CFAP43: variants seen among roughly 807,000 people sequenced by gnomAD.
CFAP43 encodes the protein cilia and flagella associated protein 43.
Under a neutral mutation model 218.9 loss-of-function variants are expected in CFAP43, and 155 were observed. The observed-to-expected ratio is 0.71, with a 90% CI of 0.62 to 0.81. The LOEUF (loss-of-function observed/expected upper bound fraction) is 0.81, where lower values mean the gene tolerates loss of function less well. CFAP43 is among the 30% of genes least tolerant of loss of function. The pLI is 0.00. For missense variants in CFAP43, 1,778 were observed against 1,954.3 expected (o/e 0.91, Z 1.70); for synonymous variants, 645 against 681.3 (o/e 0.95, Z 0.83).
intron 34 of CFAP43, among the ~76,000 whole-genome samples, chr10:104,139,002 A>C (rs924623343): frequency 6.6e-6 from 1 of 152,232 alleles, no homozygotes; most frequent in Admixed American, 6.5e-5. Flanking sequence ...GGAAAGTATA[A>C]GTTAAACAGA....
intron 12 of CFAP43, among the ~76,000 whole-genome samples, chr10:104,190,135 CAAAAAAAA>C (rs59257656): frequency 5.9e-5 from 3 of 50,786 alleles, no homozygotes; most frequent in African/African-American, 2.2e-4. Context: ...GACTCCATCT[CAAAAAAAA>C]AAAAAAAAAA....
chr10:104,152,677 G>A lies in CFAP43; in HGVS notation c.3590C>T (p.Thr1197Ile), dbSNP rs765211178. 12 of 1,613,602 alleles carry A rather than the reference G, an allele frequency of 7.4e-6. No homozygotes were observed. Among genetic ancestry groups the A allele is most frequent in the Non-Finnish European group, 1.0e-5 (12 of 1,179,812 alleles). Reference protein sequence around the residue: ...KKLQNSIQESTQAFDEHLKRL... With the variant: ...KKLQNSIQESIQAFDEHLKRL... ...TTTCAAATGTTCATCAAAGGCCTGTGTGCTTTCTTGAATAGAGTTTTGAAG... is the reference window on the plus strand; with the variant it reads ...TTTCAAATGTTCATCAAAGGCCTGTATGCTTTCTTGAATAGAGTTTTGAAG... Residue 1197 changes from threonine (T) to isoleucine (I), a missense_variant, in exon 28 of 38, where the codon ACA becomes ATA. This residue lies in a region of CFAP43 where 1,553 missense variants were observed against 1,685.2 expected (regional missense o/e 0.92). Coordinates refer to ENST00000357060, the MANE Select transcript of CFAP43 (RefSeq NM_025145.7).
intron 26 of CFAP43, 67 bp from the exon 27 acceptor site, chr10:104,161,229 A>T: frequency 6.6e-7 from 1 of 1,514,222 alleles, no homozygotes; most frequent in Non-Finnish European, 8.8e-7. Flanking sequence ...GTAAAAGCTC[A>T]GAGTTTTTTT....
At chr10:104,151,093 C>T (rs2088232545) in intron 28 of CFAP43, among the ~76,000 whole-genome samples, 1 of 152,204 alleles carries the variant, frequency 6.6e-6, no homozygotes, top group South Asian at 2.1e-4. Context: ...TTGATGGCTG[C>T]ACAGTATTCC....
At chr10:104,216,022 C>T (rs775266518) in intron 3 of CFAP43, among the ~76,000 whole-genome samples, 2 of 152,132 alleles carry the variant, frequency 1.3e-5, no homozygotes, top group Admixed American at 6.5e-5. Context: ...TGCCAACACA[C>T]AAGTGCTCAT....
At chr10:104,173,249 A>T (rs2089481893) in intron 19 of CFAP43, among the ~76,000 whole-genome samples, 1 of 152,198 alleles carries the variant, frequency 6.6e-6, no homozygotes, top group Admixed American at 6.5e-5. Flanking sequence ...TTAAGAGAAA[A>T]GAAGTATATA....
At chr10:104,182,261 G>A in intron 17 of CFAP43, 105 bp downstream of exon 17, 1 of 1,259,204 alleles carries the variant, frequency 7.9e-7, no homozygotes, top group Non-Finnish European at 1.1e-6. Context: ...CCTGGATAAA[G>A]AGAAATATTA....
chr10:104,168,924 C>T (rs977931629), intron 20 of CFAP43, 76 bp from the exon 21 acceptor site: 2 of 1,211,144 alleles, frequency 1.7e-6, no homozygotes, highest in Non-Finnish European at 2.4e-6. Flanking sequence ...ATTGTAAACT[C>T]ACTAAGTAGC....
At chr10:104,193,109 C>G (rs2090278714) in intron 11 of CFAP43, 1 of 152,070 alleles carries the variant, frequency 6.6e-6, no homozygotes, top group Non-Finnish European at 1.5e-5. Context: ...TAAAAAGAAA[C>G]AGTAATAATG....
At position 104,188,346 on chromosome 10, in the gene CFAP43, C is replaced by A; in HGVS notation, c.1611G>T (p.Val537=). The A allele has an allele frequency of 6.2e-7, 1 of 1,614,178 alleles. No individual in the cohort carries two copies. The highest frequency in any genetic ancestry group is 8.5e-7 in the Non-Finnish European group (1 of 1,180,028). Residue 537 remains valine (V), a synonymous_variant, in exon 13 of 38, where the codon GTG becomes GTT. Transcript: ENST00000357060. The part of the protein sequence containing the change: ...VSLLETDIVE[V]MVLSSLPEAG... Reference sequence around the variant, plus strand: ...CTTCTGGAAGCGAGGAAAGCACCATCACTTCCACTATGTCTGTTTCTAAAA... The same window carrying A: ...CTTCTGGAAGCGAGGAAAGCACCATAACTTCCACTATGTCTGTTTCTAAAA...
chr10:104,227,028 T>TA (rs2091322105), intron 2 of CFAP43, among the ~76,000 whole-genome samples: 1 of 152,012 alleles, frequency 6.6e-6, no homozygotes, highest in Non-Finnish European at 1.5e-5. Context: ...ATCATATATA[T>TA]ATAATATATG....
chr10:104,207,984 A>G (rs946965598), intron 5 of CFAP43, among the ~76,000 whole-genome samples, 160 bp from the exon 6 acceptor site: 2 of 152,204 alleles, frequency 1.3e-5, no homozygotes, highest in African/African-American at 4.8e-5. Context: ...TTTTTTAAGG[A>G]CAGACTGACT....
Position 104,167,741 on chromosome 10 carries a change from G to C in CFAP43, c.2692-4C>G. On this transcript the variant is annotated splice_region_variant and splice_polypyrimidine_tract_variant and intron_variant, in intron 21 of 37. Transcript: ENST00000357060. ...CCACACAGGGGATATGAAAACACTT[G>C]GGGAAAAAAACGCAAGACAAAATAA... 1 of 1,595,076 alleles carries C rather than the reference G, an allele frequency of 6.3e-7. No individual in the cohort carries two copies. The highest frequency in any genetic ancestry group is 1.1e-5 in the South Asian group (1 of 87,216).
chr10:104,143,654 A>G lies in CFAP43; in HGVS notation c.3945-15T>C, dbSNP rs2087812524. ...GTTTGGAAATCCTGGTATTACCAAG[A>G]AAAGCCCATCAACATTTCACATTCT... On this transcript the variant is annotated splice_polypyrimidine_tract_variant and intron_variant, in intron 31 of 37. Coordinates refer to ENST00000357060, the MANE Select transcript of CFAP43 (RefSeq NM_025145.7). 1.9e-6 allele frequency: 3 copies of G among 1,612,626 alleles called. No individual in the cohort carries two copies. The East Asian group carries it at 6.7e-5, about 36-fold the overall frequency.
chr10:104,176,181 C>G (rs2089624650), intron 19 of CFAP43, among the ~76,000 whole-genome samples: 1 of 152,058 alleles, frequency 6.6e-6, no homozygotes, highest in Non-Finnish European at 1.5e-5. Flanking sequence ...AATCTTAGAA[C>G]AGAGTCCAGC....
intron 12 of CFAP43, among the ~76,000 whole-genome samples, chr10:104,191,418 T>C (rs1430568620): frequency 3.9e-5 from 6 of 152,290 alleles, no homozygotes; most frequent in Middle Eastern, 3.4e-3. Context: ...CCCACACCTA[T>C]GAAAATCCTT....
chr10:104,187,220 ACTATT>A, intron 14 of CFAP43, 95 bp downstream of exon 14: 1 of 933,350 alleles, frequency 1.1e-6, no homozygotes, highest in Non-Finnish European at 1.5e-6. Context: ...TGTTAACTGA[ACTATT>A]CTGTTAAAGT....
At chr10:104,182,909 A>C (rs1406912330) in intron 16 of CFAP43, among the ~76,000 whole-genome samples, 2 of 151,860 alleles carry the variant, frequency 1.3e-5, no homozygotes, top group African/African-American at 2.4e-5. Context: ...AGACCCTTTC[A>C]TGGGTTCCAG....
At chr10:104,161,756 T>G (rs963107337) in intron 26 of CFAP43, among the ~76,000 whole-genome samples, 4 of 152,124 alleles carry the variant, frequency 2.6e-5, no homozygotes, top group African/African-American at 9.7e-5. Context: ...GCCTCCTCAC[T>G]TAGCCTCCTC....
Sources: gnomAD v4.1 joint callset for allele counts (sites outside exome capture counted in the v4.1 genomes callset) on GRCh38, gnomAD v4.1.1 for gene constraint, gnomAD v4.1.1 regional missense constraint, MANE v1.5 for transcripts, NCBI Gene and HGNC (gene_info 2026-07-23, HGNC 2026-07-21) for gene names.